Variants in TSR3 observed in about 807,000 individuals in gnomAD.
The protein encoded by TSR3 is 18S rRNA aminocarboxypropyltransferase.
In TSR3, 31 loss-of-function variants were observed where a neutral mutation model predicts 28.1. The observed-to-expected ratio is 1.10, with a 90% CI of 0.83 to 1.49. TSR3 has a LOEUF of 1.49. Ranked by LOEUF, TSR3 falls within the 40% of genes most tolerant of loss-of-function variation. The pLI is 0.00. For synonymous variants in TSR3, 219 were observed against 197.2 expected (o/e 1.11, Z -0.93); for missense variants, 511 against 444.0 (o/e 1.15, Z -1.36).
chr16:1,350,974 G>C lies in TSR3; in HGVS notation c.359C>G (p.Ala120Gly), dbSNP rs1456886551. Residue 120 changes from alanine (A) to glycine (G), a missense_variant, in exon 3 of 6, where the codon GCC becomes GGC. Coordinates refer to ENST00000007390, the MANE Select transcript of TSR3 (RefSeq NM_001001410.3). Reference sequence around the variant, plus strand: ...CCTGGCCCAGGAGCAGTCGATGACGGCGACCCCAGACTGCGCCACCAGCTG... The same window carrying C: ...CCTGGCCCAGGAGCAGTCGATGACGCCGACCCCAGACTGCGCCACCAGCTG... The part of the protein sequence containing the change: ...DRQLVAQSGV[A>G]VIDCSWARLD... 1 of 1,612,082 alleles carries C rather than the reference G, an allele frequency of 6.2e-7. No homozygotes were observed. The highest frequency in any genetic ancestry group is 1.3e-5 in the African/African-American group (1 of 74,884).
chr16:1,350,152 G>T lies in TSR3; in HGVS notation c.609C>A (p.Asp203Glu). 6.2e-7 allele frequency: 1 copy of T among 1,612,230 alleles called. No individual in the cohort carries two copies. Among genetic ancestry groups the T allele is most frequent in the Non-Finnish European group, 8.5e-7 (1 of 1,179,866 alleles). ...GFLDLNRQLL[D>E]KYAACGSPEE... ...CCGGGCTGCCGCAGGCCGCGTACTT[G>T]TCCAGGAGCTGGCGGTTCAGGTCCA... Residue 203 changes from aspartate (D) to glutamate (E), a missense_variant, in exon 4 of 6, where the codon GAC becomes GAA. Transcript: ENST00000007390.
rs201388153 is a variant in TSR3 at position 1,349,643 on chromosome 16, G to A, written c.768-35C>T. Reference sequence around the variant, plus strand: ...GAGGGGGAGCACGTTCCCAAATGACGTCCTCCCTGGCTAGCTGGAGTCAAC... The same window carrying A: ...GAGGGGGAGCACGTTCCCAAATGACATCCTCCCTGGCTAGCTGGAGTCAAC... On this transcript the variant is annotated intron_variant, in intron 5 of 5. Coordinates refer to ENST00000007390, the MANE Select transcript of TSR3 (RefSeq NM_001001410.3). 182 of 1,558,536 alleles carry A rather than the reference G, an allele frequency of 1.2e-4. 1 individual carries two copies. The East Asian group carries it at 1.5e-3, about 13-fold the overall frequency.
At position 1,349,455 on chromosome 16, in the gene TSR3, C is replaced by CTTGA. The variant is rs766883388; in HGVS notation, c.917_920dup (p.Lys307AsnfsTer20). 1 of 1,613,650 alleles carries CTTGA rather than the reference C, an allele frequency of 6.2e-7. No individual in the cohort carries two copies. The highest frequency in any genetic ancestry group is 8.5e-7 in the Non-Finnish European group (1 of 1,179,882). On this transcript the variant is annotated frameshift_variant, in exon 6 of 6. Coordinates refer to ENST00000007390, the MANE Select transcript of TSR3 (RefSeq NM_001001410.3). LOFTEE classifies it high-confidence loss of function. ...GCAACCCTCAGTCTCTCTGCCGTTT[C>CTTGA]TTGATTCCTTTCCAAACCTCAGCCG...
intron 3 of TSR3, among the ~76,000 whole-genome samples, 180 bp from the exon 4 acceptor site, chr16:1,350,414 C>T (rs1040896874): frequency 6.6e-6 from 1 of 152,200 alleles, no homozygotes; most frequent in African/African-American, 2.4e-5. Context: ...CTACAGTCCA[C>T]ACCTCTGCAA....
rs986356876 is a variant in TSR3, at chr16:1,351,856, G to A, written c.-52C>T. The A allele has an allele frequency of 6.3e-6, 8 of 1,275,166 alleles. No homozygotes were observed. In the African/African-American group the frequency reaches 1.1e-4, roughly 17 times the overall value. The allele number at this position is 1,275,166 out of a possible 1,614,324, so 79.0% of individuals were successfully genotyped here. A position where few individuals can be genotyped will look rare whatever the true frequency, so the allele number is the denominator to read the frequency against. On this transcript the variant is annotated 5_prime_UTR_variant, in exon 1 of 6. Transcript: ENST00000007390. ...CCCCACCCCACGGCCGCGCCCCTCG[G>A]CCTCCCAATGGGCTGTGCGGCTGCC...
chr16:1,349,560 A>C lies in TSR3; in HGVS notation c.816T>G (p.Pro272=). 4 of 1,612,924 alleles carry C rather than the reference A, an allele frequency of 2.5e-6. No homozygotes were observed. Among genetic ancestry groups the C allele is most frequent in the Non-Finnish European group, 3.4e-6 (4 of 1,179,896 alleles). The change falls in exon 6 of 6, where the codon CCT becomes CCG. Residue 272 remains proline, a synonymous_variant. Transcript: ENST00000007390. ...TGCTGGCTCCTCCGCGCTCGGCGCC[A>C]GGCCCTGGGTCCTCAGACGCATCAC... is the stretch of plus-strand genomic sequence containing the variant. ...DDSDASEDPG[P]GAERGGASSS...
rs2141631920 is a variant in TSR3, at chr16:1,351,507, G to T, written c.204C>A (p.Cys68Ter). ...TGCGGCCCGTGCAGCGCCGGGGGTC[G>T]CAGTGGCCCAACTCCCACATGGCCA... The part of the protein sequence containing the change: ...CTLAMWELGH[C>*]DPRRCTGRKL... Residue 68 changes from cysteine to a stop codon, truncating the protein, a stop_gained, in exon 2 of 6, where the codon TGC becomes TGA. Transcript: ENST00000007390. LOFTEE classifies it high-confidence loss of function. The T allele has an allele frequency of 6.5e-7, 1 of 1,540,878 alleles. No homozygotes were observed. The highest frequency in any genetic ancestry group is 8.7e-7 in the Non-Finnish European group (1 of 1,151,328).
chr16:1,350,172 G>A lies in TSR3; in HGVS notation c.589C>T (p.Leu197=), dbSNP rs1336654067. The part of the protein sequence containing the change: ...KFKWGKGFLD[L]NRQLLDKYAA... ...TACTTGTCCAGGAGCTGGCGGTTCA[G>A]GTCCAAGAAGCCCTTGCCCCATTTA... Residue 197 remains leucine (L), a synonymous_variant, in exon 4 of 6, where the codon CTG becomes TTG. Coordinates refer to ENST00000007390, the MANE Select transcript of TSR3 (RefSeq NM_001001410.3). 2 of 1,610,422 alleles carry A rather than the reference G, an allele frequency of 1.2e-6. No homozygotes were observed.
In TSR3 at chr16:1,351,870, T is replaced by C. The variant is rs2141632419; in HGVS notation, c.-66A>G. 6 of 1,263,378 alleles carry C rather than the reference T, an allele frequency of 4.7e-6. No individual in the cohort carries two copies. The highest frequency in any genetic ancestry group is 5.9e-6 in the Non-Finnish European group (6 of 1,009,572). The allele number at this position is 1,263,378 out of a possible 1,614,324, so 78.3% of individuals were successfully genotyped here. A position where few individuals can be genotyped will look rare whatever the true frequency, so the allele number is the denominator to read the frequency against. On this transcript the variant is annotated 5_prime_UTR_variant, in exon 1 of 6. Coordinates refer to ENST00000007390, the MANE Select transcript of TSR3 (RefSeq NM_001001410.3). Reference sequence around the variant, plus strand: ...CGCGCCCCTCGGCCTCCCAATGGGCTGTGCGGCTGCCAGCGCTTGCGCCGG... The same window carrying C: ...CGCGCCCCTCGGCCTCCCAATGGGCCGTGCGGCTGCCAGCGCTTGCGCCGG...
At position 1,351,573 on chromosome 16, in the gene TSR3, G is replaced by C; in HGVS notation, c.138C>G (p.Asp46Glu). Residue 46 changes from aspartate (D) to glutamate (E), a missense_variant, in exon 2 of 6, where the codon GAC (aspartate) becomes GAG (glutamate). Coordinates refer to ENST00000007390, the MANE Select transcript of TSR3 (RefSeq NM_001001410.3). The stretch of plus-strand genomic sequence containing the variant: ...CCGCCGGGCCCGGGCCGCCCTCGCC[G>C]TCAGCCGCCCCTGGCTCCACGGAAG... ...LQASVEPGAA[D>E]GEGGPGPAAL... The C allele has an allele frequency of 6.8e-7, 1 of 1,475,070 alleles. No individual in the cohort carries two copies. Among genetic ancestry groups the C allele is most frequent in the Non-Finnish European group, 8.9e-7 (1 of 1,122,006 alleles). The allele number at this position is 1,475,070 out of a possible 1,614,324, so 91.4% of individuals were successfully genotyped here.
chr16:1,350,059 G>C lies in TSR3; in HGVS notation c.702C>G (p.Ile234Met), dbSNP rs367737359. 5.0e-6 allele frequency: 8 copies of C among 1,607,558 alleles called. No individual in the cohort carries two copies. Among genetic ancestry groups the C allele is most frequent in the Middle Eastern group, 1.7e-4 (1 of 6,042 alleles). ...GGTTCCCACCCCGCCAAGGCTCACC[G>C]ATCTCCTCCTCCTGGGGGCTCTCCT... ...NAKESPQEEEIDPFDVDSGRE... is the reference protein window; with the variant it reads ...NAKESPQEEEMDPFDVDSGRE... The change falls in exon 4 of 6, where the codon ATC (isoleucine) becomes ATG (methionine). Residue 234 changes from isoleucine to methionine, a missense_variant and splice_region_variant. Physicochemically the swap from Ile to Met is conservative, Grantham distance 10 (BLOSUM62 1). Coordinates refer to ENST00000007390, the MANE Select transcript of TSR3 (RefSeq NM_001001410.3).
In TSR3 at chr16:1,349,401, G is replaced by T; in HGVS notation, c.*36C>A. On this transcript the variant is annotated 3_prime_UTR_variant, in exon 6 of 6. Coordinates refer to ENST00000007390, the MANE Select transcript of TSR3 (RefSeq NM_001001410.3). ...GTCCCTCATGTCTCTAGATTTTCTC[G>T]TCACCCAGCCTCAAAAATATATGTG... is the stretch of plus-strand genomic sequence containing the variant. 1 of 1,612,420 alleles carries T rather than the reference G, an allele frequency of 6.2e-7. No individual in the cohort carries two copies. Among genetic ancestry groups the T allele is most frequent in the Non-Finnish European group, 8.5e-7 (1 of 1,179,038 alleles).
rs771826060 is a variant in TSR3 at position 1,349,980 on chromosome 16, A to C, written c.704-28T>G. On this transcript the variant is annotated intron_variant, in intron 4 of 5. Transcript: ENST00000007390. ...GAGCCGAGAGAGGAAAGTGGCCTCT[A>C]AGTGAGCTCAGAGCAGGACCAGGCC... 3.7e-6 allele frequency: 6 copies of C among 1,612,854 alleles called. No individual in the cohort carries two copies. In the Admixed American group the frequency reaches 5.0e-5, roughly 13 times the overall value.
At chr16:1,351,034 C>T (rs750336263) in intron 2 of TSR3, 34 bp from the exon 3 acceptor site, 2 of 1,600,056 alleles carry the variant, frequency 1.2e-6, no homozygotes, top group South Asian at 2.2e-5. Context: ...GTTCAGGAGC[C>T]AGCACTACCC....
chr16:1,351,032 G>A lies in TSR3; in HGVS notation c.333-32C>T, dbSNP rs567692059. 3.6e-5 allele frequency: 58 copies of A among 1,603,264 alleles called. 1 individual carries two copies. The Middle Eastern group carries it at 6.3e-4, about 18-fold the overall frequency. ...GGGACAGCATGGGATAAGTTCAGGAGCCAGCACTACCCAAGGTGGAGCATG... is the reference window on the plus strand; with the variant it reads ...GGGACAGCATGGGATAAGTTCAGGAACCAGCACTACCCAAGGTGGAGCATG... On this transcript the variant is annotated intron_variant, in intron 2 of 5. Transcript: ENST00000007390.
intron 5 of TSR3, 75 bp from the exon 6 acceptor site, chr16:1,349,683 G>GC: frequency 6.6e-7 from 1 of 1,504,508 alleles, no homozygotes; most frequent in Non-Finnish European, 8.9e-7. Context: ...TCCACAAAAA[G>GC]CCCCCAGCCG....
Position 1,350,845 on chromosome 16 carries a change from GA to G in TSR3, c.487del (p.Ser163ProfsTer13). On this transcript the variant is annotated frameshift_variant, in exon 3 of 6. Coordinates refer to ENST00000007390, the MANE Select transcript of TSR3 (RefSeq NM_001001410.3). LOFTEE classifies it high-confidence loss of function. ...GGTGGCAGCAAACGCTTCCACGCAG[GA>G]AAGTCTGTAGGGCCGGCCATAGTTC... Reference protein sequence around the residue: ...PVNYGRPYRLSCVEAFAATFC... With the variant: ...PVNYGRPYRLXCVEAFAATFC... 4 of 1,613,054 alleles carry G rather than the reference GA, an allele frequency of 2.5e-6. No individual in the cohort carries two copies. The highest frequency in any genetic ancestry group is 3.4e-6 in the Non-Finnish European group (4 of 1,179,980).
intron 3 of TSR3, 28 bp downstream of exon 3, chr16:1,350,779 C>A: frequency 3.1e-6 from 5 of 1,600,692 alleles, no homozygotes; most frequent in South Asian, 1.1e-5. Flanking sequence ...GCCGCCGGGT[C>A]ACACTGCTGT....
rs1596602847 is a variant in TSR3, at chr16:1,351,623, C to A, written c.113-25G>T. On this transcript the variant is annotated intron_variant, in intron 1 of 5. Coordinates refer to ENST00000007390, the MANE Select transcript of TSR3 (RefSeq NM_001001410.3). Reference sequence around the variant, plus strand: ...GCTGCACGAGAGAGAGAAGGGCACTCGGCCTCAGCGTGGGACCCCCGGGCA... The same window carrying A: ...GCTGCACGAGAGAGAGAAGGGCACTAGGCCTCAGCGTGGGACCCCCGGGCA... 5 of 1,451,960 alleles carry A rather than the reference C, an allele frequency of 3.4e-6. No homozygotes were observed. In the East Asian group the frequency reaches 8.9e-5, roughly 26 times the overall value. 89.9% of individuals were successfully genotyped at this position (1,451,960 alleles called of 1,614,324 possible).
Sources: allele counts gnomAD v4.1 joint callset (sites outside exome capture counted in the v4.1 genomes callset), GRCh38; gene constraint gnomAD v4.1.1; transcripts MANE v1.5; gene names NCBI Gene and HGNC (gene_info 2026-07-23, HGNC 2026-07-21).